WWOX: variants seen among roughly 807,000 people sequenced by gnomAD.
WWOX encodes WW domain-containing oxidoreductase.
Under a neutral mutation model 46.2 loss-of-function variants are expected in WWOX, and 69 were observed. The observed-to-expected ratio is 1.49, with a 90% CI of 1.23 to 1.82. The LOEUF is 1.82. Among genes scored for constraint, WWOX ranks in the 40% most tolerant of loss-of-function variants. The pLI is 0.00. For missense variants in WWOX, 919 were observed against 542.6 expected, an observed-to-expected ratio of 1.69 and a Z score of -6.89; for synonymous variants, 359 against 202.6, an observed-to-expected ratio of 1.77 and a Z score of -6.56.
intron 8 of WWOX, among the ~76,000 whole-genome samples, chr16:79,169,207 A>C (rs2050653168): frequency 6.6e-6 from 1 of 152,222 alleles, no homozygotes; most frequent in Non-Finnish European, 1.5e-5. Flanking sequence ...CCCATTTCAG[A>C]GACAGGGGCA....
chr16:79,183,798 G>A (rs529652573), intron 8 of WWOX, among the ~76,000 whole-genome samples: 2 of 152,272 alleles, frequency 1.3e-5, no homozygotes, highest in South Asian at 2.1e-4. Flanking sequence ...TCCCAGAGCT[G>A]GAATTTGAAC....
At chr16:78,335,882 A>G (rs80221033) in intron 5 of WWOX, among the ~76,000 whole-genome samples, 1 of 152,164 alleles carries the variant, frequency 6.6e-6, no homozygotes, top group African/African-American at 2.4e-5. Context: ...GCTTGAGGCC[A>G]GGAGTTTGAG....
At chr16:79,089,476 C>T (rs1399356565) in intron 8 of WWOX, among the ~76,000 whole-genome samples, 1 of 151,878 alleles carries the variant, frequency 6.6e-6, no homozygotes, top group Admixed American at 6.6e-5. Context: ...GGACTACAGG[C>T]ACACGCCACC....
chr16:78,344,323 G>A (rs1302660839), intron 5 of WWOX, among the ~76,000 whole-genome samples: 1 of 120,578 alleles, frequency 8.3e-6, no homozygotes, highest in African/African-American at 2.8e-5. Context: ...TCTAAAATCT[G>A]CATTTGTCAA....
intron 6 of WWOX, among the ~76,000 whole-genome samples, chr16:78,404,521 A>G (rs909475368): frequency 2.0e-5 from 3 of 152,140 alleles, no homozygotes. Context: ...TTCTATTTGT[A>G]TGAATAATAG....
intron 8 of WWOX, among the ~76,000 whole-genome samples, chr16:78,756,637 G>T (rs2049655564): frequency 6.6e-6 from 1 of 152,118 alleles, no homozygotes; most frequent in Non-Finnish European, 1.5e-5. Context: ...GTAAATTCTA[G>T]CATTTTTACA....
In WWOX at chr16:78,872,165, G is replaced by A. The variant is rs116141966; in HGVS notation, c.1057-339443G>A. On this transcript the variant is annotated intron_variant, in intron 8 of 8. Coordinates refer to ENST00000566780, the MANE Select transcript of WWOX (RefSeq NM_016373.4). The stretch of plus-strand genomic sequence containing the variant: ...GGTTATAATTGCAGGTACTTTTAGA[G>A]ACGATGTCTAACAGTGCAACCCATA... 5.7e-3 allele frequency among the ~76,000 whole-genome samples: 866 copies of A among 152,296 alleles called. 6 individuals carry two copies. Among genetic ancestry groups the A allele is most frequent in the African/African-American group, 0.02 (811 of 41,554 alleles).
rs564882768 is a variant in WWOX at position 79,099,199 on chromosome 16, C to T, written c.1057-112409C>T. On this transcript the variant is annotated intron_variant, in intron 8 of 8. Transcript: ENST00000566780. ...TGGCATGAAGCCCTTCATGAGGGAT[C>T]CGTCCCCATGACCCAAACACCTCCC... Among the ~76,000 whole-genome samples, 42 of 152,272 alleles carry T rather than the reference C, an allele frequency of 2.8e-4. No homozygotes were observed. The South Asian group carries it at 3.3e-3, about 12-fold the overall frequency.
chr16:78,863,745 C>T (rs572871709), intron 8 of WWOX, among the ~76,000 whole-genome samples: 1 of 152,176 alleles, frequency 6.6e-6, no homozygotes, highest in Admixed American at 6.6e-5. Flanking sequence ...AATGGGTGGT[C>T]ACTGTACTAG....
At chr16:78,428,542 T>A (rs1368274143) in intron 7 of WWOX, among the ~76,000 whole-genome samples, 2 of 152,220 alleles carry the variant, frequency 1.3e-5, no homozygotes, top group African/African-American at 2.4e-5. Flanking sequence ...GAAACTGTCC[T>A]TCCTGGTTTT....
intron 8 of WWOX, among the ~76,000 whole-genome samples, chr16:78,917,094 C>T (rs536235061): frequency 6.6e-6 from 1 of 152,274 alleles, no homozygotes; most frequent in Non-Finnish European, 1.5e-5. Flanking sequence ...AGGAGAAGAC[C>T]AGACTTGCTC....
At chr16:78,528,637 C>G (rs1442708920) in intron 8 of WWOX, among the ~76,000 whole-genome samples, 1 of 152,118 alleles carries the variant, frequency 6.6e-6, no homozygotes, top group South Asian at 2.1e-4. Flanking sequence ...TTAATGCTTT[C>G]TTGTTTCTTC....
At chr16:78,317,932 G>A (rs146561025) in intron 5 of WWOX, among the ~76,000 whole-genome samples, 113 of 152,264 alleles carry the variant, frequency 7.4e-4, no homozygotes, top group African/African-American at 2.6e-3. Flanking sequence ...CTGGCTTTGC[G>A]AATTTCTTTT....
At chr16:79,161,664 AC>A (rs1181657488) in intron 8 of WWOX, among the ~76,000 whole-genome samples, 1 of 151,944 alleles carries the variant, frequency 6.6e-6, no homozygotes, top group African/African-American at 2.4e-5. Context: ...CTGGGATTAC[AC>A]CCACCACCAT....
chr16:79,140,476 G>T (rs750374467), intron 8 of WWOX, among the ~76,000 whole-genome samples: 4 of 152,208 alleles, frequency 2.6e-5, no homozygotes, highest in Non-Finnish European at 5.9e-5. Context: ...GAGAAGTCCA[G>T]TCCTTTTGGA....
At chr16:78,756,009 T>C (rs533470427) in intron 8 of WWOX, among the ~76,000 whole-genome samples, 31 of 152,188 alleles carry the variant, frequency 2.0e-4, no homozygotes, top group Non-Finnish European at 4.3e-4. Flanking sequence ...TGACCAAGTC[T>C]CTTGGAGACA....
At chr16:78,690,080 C>T (rs557128934) in intron 8 of WWOX, among the ~76,000 whole-genome samples, 4 of 152,166 alleles carry the variant, frequency 2.6e-5, no homozygotes, top group Admixed American at 1.3e-4. Flanking sequence ...AGGCTGGTCT[C>T]GATCTCCTGA....
At chr16:78,839,794 G>C (rs1432542599) in intron 8 of WWOX, among the ~76,000 whole-genome samples, 1 of 152,120 alleles carries the variant, frequency 6.6e-6, no homozygotes, top group Non-Finnish European at 1.5e-5. Flanking sequence ...GAGAAGGCTT[G>C]AAGAACCCAC....
intron 8 of WWOX, chr16:78,825,931 C>A (rs1317344397): frequency 2.6e-6 from 2 of 782,396 alleles, no homozygotes; most frequent in East Asian, 2.6e-5. Flanking sequence ...AGGTAGTGCC[C>A]ACCACTCCCA....
Sources: gnomAD v4.1 joint callset for allele counts (sites outside exome capture counted in the v4.1 genomes callset) on GRCh38, gnomAD v4.1.1 for gene constraint, MANE v1.5 for transcripts, NCBI Gene and HGNC (gene_info 2026-07-23, HGNC 2026-07-21) for gene names.